Variants in SPESP1 observed in about 807,000 individuals in gnomAD.
The protein encoded by SPESP1 is sperm equatorial segment protein 1.
In SPESP1, 1 loss-of-function variant was observed where a neutral mutation model predicts 3.1. The ratio of observed to expected loss-of-function variants is 0.33; its 90% CI spans 0.12 to 1.54. The LOEUF is 1.54. SPESP1 is among the 40% of genes most tolerant of loss of function. The pLI, the probability that SPESP1 is intolerant of heterozygous loss-of-function variation, is 0.38. For missense variants in SPESP1, 398 were observed against 410.1 expected (o/e 0.97, Z 0.26); for synonymous variants, 138 against 150.7 (o/e 0.92, Z 0.62).
chr15:68,946,591 A>G lies in SPESP1; in HGVS notation c.*4A>G. On this transcript the variant is annotated 3_prime_UTR_variant, in exon 2 of 2. Coordinates refer to ENST00000310673, the MANE Select transcript of SPESP1 (RefSeq NM_145658.4). ...AGCCTTATTAAAAGTTTATTAAACA[A>G]TAATATAAAAATTTTAAACCTACTT... 7.0e-7 allele frequency: 1 copy of G among 1,436,176 alleles called. No homozygotes were observed. Among genetic ancestry groups the G allele is most frequent in the South Asian group, 1.8e-5 (1 of 55,072 alleles). 89.0% of individuals were successfully genotyped at this position (1,436,176 alleles called of 1,614,324 possible).
At chr15:68,934,114 G>T (rs1369573349) in intron 1 of SPESP1, among the ~76,000 whole-genome samples, 1 of 151,758 alleles carries the variant, frequency 6.6e-6, no homozygotes, top group Non-Finnish European at 1.5e-5. Context: ...TAATTTTGGG[G>T]TATCTCCCAA....
At chr15:68,932,394 C>CTT (rs545306317) in intron 1 of SPESP1, among the ~76,000 whole-genome samples, 2 of 147,078 alleles carry the variant, frequency 1.4e-5, no homozygotes, top group African/African-American at 2.5e-5. Flanking sequence ...TTTTCCCCCC[C>CTT]TTTTTTTTTT....
Position 68,943,413 on chromosome 15 carries a change from T to C in SPESP1, c.65-2186T>C, listed in dbSNP as rs141109670. ...TTACATAAAATGCAGAATTTACTTT[T>C]AGAATCAAGACCTCCAGACGTGTGG... is the stretch of plus-strand genomic sequence containing the variant. On this transcript the variant is annotated intron_variant, in intron 1 of 1. Transcript: ENST00000310673. 1.1e-3 allele frequency among the ~76,000 whole-genome samples: 168 copies of C among 152,290 alleles called. 1 individual carries two copies. Among genetic ancestry groups the C allele is most frequent in the African/African-American group, 3.9e-3 (161 of 41,562 alleles).
intron 1 of SPESP1, among the ~76,000 whole-genome samples, chr15:68,941,331 G>A (rs1229512521): frequency 6.6e-6 from 1 of 152,096 alleles, no homozygotes; most frequent in Non-Finnish European, 1.5e-5. Context: ...TTATATTCCT[G>A]TATTAGTTTA....
intron 1 of SPESP1, among the ~76,000 whole-genome samples, chr15:68,942,245 T>G (rs185857138): frequency 2.1e-3 from 319 of 152,234 alleles, no homozygotes; most frequent in African/African-American, 6.9e-3. Flanking sequence ...CTAAGCAGTT[T>G]ATATTTATAT....
At chr15:68,945,003 C>T (rs1895923501) in intron 1 of SPESP1, among the ~76,000 whole-genome samples, 1 of 152,222 alleles carries the variant, frequency 6.6e-6, no homozygotes, top group African/African-American at 2.4e-5. Context: ...TAGAGATGCA[C>T]AGTAGCACAC....
intron 1 of SPESP1, among the ~76,000 whole-genome samples, chr15:68,931,005 T>G (rs1483422272): frequency 1.3e-5 from 2 of 152,178 alleles, no homozygotes; most frequent in South Asian, 4.1e-4. Flanking sequence ...CACCCGATCC[T>G]TCCCCAGCCA....
At chr15:68,945,021 T>G (rs970954571) in intron 1 of SPESP1, among the ~76,000 whole-genome samples, 1 of 152,204 alleles carries the variant, frequency 6.6e-6, no homozygotes, top group Non-Finnish European at 1.5e-5. Flanking sequence ...CACCATTATA[T>G]GCATTTTCAT....
intron 1 of SPESP1, among the ~76,000 whole-genome samples, chr15:68,938,113 T>TG (rs1169483835): frequency 6.6e-6 from 1 of 152,166 alleles, no homozygotes; most frequent in Non-Finnish European, 1.5e-5. Context: ...CGAGAGTAGC[T>TG]GGGACTACAG....
intron 1 of SPESP1, among the ~76,000 whole-genome samples, chr15:68,932,371 C>A (rs1895566479): frequency 6.6e-6 from 1 of 150,802 alleles, no homozygotes; most frequent in African/African-American, 2.4e-5. Flanking sequence ...TTTCCCCTCC[C>A]CCTCCCCTTC....
intron 1 of SPESP1, among the ~76,000 whole-genome samples, chr15:68,931,283 C>T (rs1054387132): frequency 1.5e-4 from 21 of 143,696 alleles, no homozygotes; most frequent in African/African-American, 5.3e-4. Context: ...TCTATTTTTG[C>T]ATTTTCAAAG....
rs748683191 is a variant in SPESP1, at chr15:68,930,649, C to A, written c.-5C>A. ...TCGCATGGCAGAGTGCTACGGACGA[C>A]GCCTATGAAGCCCTTAGTCCTTCTA... On this transcript the variant is annotated 5_prime_UTR_variant, in exon 1 of 2. Transcript: ENST00000310673. 2 of 1,613,764 alleles carry A rather than the reference C, an allele frequency of 1.2e-6. No homozygotes were observed. The highest frequency in any genetic ancestry group is 2.2e-5 in the East Asian group (1 of 44,874).
intron 1 of SPESP1, among the ~76,000 whole-genome samples, chr15:68,940,153 G>T (rs766427800): frequency 6.6e-5 from 10 of 152,088 alleles, no homozygotes; most frequent in Admixed American, 2.0e-4. Context: ...TGGGGAACAG[G>T]TGGTTTTTGG....
rs138663657 is a variant in SPESP1, at chr15:68,937,105, A to T, written c.64+6388A>T. Among the ~76,000 whole-genome samples the T allele has an allele frequency of 3.5e-3, 535 of 152,268 alleles. 3 individuals carry two copies. Among genetic ancestry groups the T allele is most frequent in the African/African-American group, 0.012 (517 of 41,566 alleles). Reference sequence around the variant, plus strand: ...CAATAGTTTTTAGACTAACAGATTTATTTTTAAACATAACATGAAGTCTAG... The same window carrying T: ...CAATAGTTTTTAGACTAACAGATTTTTTTTTAAACATAACATGAAGTCTAG... On this transcript the variant is annotated intron_variant, in intron 1 of 1. Coordinates refer to ENST00000310673, the MANE Select transcript of SPESP1 (RefSeq NM_145658.4).
intron 1 of SPESP1, among the ~76,000 whole-genome samples, chr15:68,945,295 G>A (rs1315622557): frequency 6.6e-6 from 1 of 152,246 alleles, no homozygotes; most frequent in African/African-American, 2.4e-5. Flanking sequence ...AAGAATTTTC[G>A]TTTAATAAGT....
Position 68,945,755 on chromosome 15 carries a change from T to G in SPESP1, c.221T>G (p.Phe74Cys). 1.9e-6 allele frequency: 3 copies of G among 1,613,822 alleles called. No homozygotes were observed. Among genetic ancestry groups the G allele is most frequent in the Non-Finnish European group, 2.5e-6 (3 of 1,179,946 alleles). Residue 74 changes from phenylalanine (F) to cysteine (C), a missense_variant, in exon 2 of 2, where the codon TTT becomes TGT. Phe to Cys is a radical substitution (Grantham distance 205). Coordinates refer to ENST00000310673, the MANE Select transcript of SPESP1 (RefSeq NM_145658.4). Reference sequence around the variant, plus strand: ...TCTATAGCATCAAAGGGATCAAAATTTAAGGAGCTAGTTACACATGGAGAC... The same window carrying G: ...TCTATAGCATCAAAGGGATCAAAATGTAAGGAGCTAGTTACACATGGAGAC... ...VYSIASKGSK[F>C]KELVTHGDAS...
chr15:68,944,566 A>G (rs1895911191), intron 1 of SPESP1, among the ~76,000 whole-genome samples: 1 of 152,158 alleles, frequency 6.6e-6, no homozygotes, highest in Non-Finnish European at 1.5e-5. Context: ...AGGTGCTGCC[A>G]GCGGTTCATG....
rs1439107149 is a variant in SPESP1 at position 68,945,620 on chromosome 15, A to G, written c.86A>G (p.Glu29Gly). The G allele has an allele frequency of 6.3e-7, 1 of 1,578,506 alleles. No homozygotes were observed. Among genetic ancestry groups the G allele is most frequent in the East Asian group, 2.2e-5 (1 of 44,522 alleles). The change falls in exon 2 of 2, where the codon GAA becomes GGA. Residue 29 changes from glutamate to glycine, a missense_variant. Glu to Gly is a moderately conservative substitution (Grantham distance 98). Coordinates refer to ENST00000310673, the MANE Select transcript of SPESP1 (RefSeq NM_145658.4). ...GAAGGCATAACTGTGACACCTGATG[A>G]AGAGCAAAACTTGAATCATTATATA... ...AYPSITVTPD[E>G]EQNLNHYIQV... is the part of the protein sequence containing the mutation.
rs1234026105 is a variant in SPESP1, at chr15:68,945,800, T to A, written c.266T>A (p.Val89Asp). Reference protein sequence around the residue: ...THGDASTENDVLTNPISEETT... With the variant: ...THGDASTENDDLTNPISEETT... ...GGAGACGCTTCAACTGAGAATGATGTTTTAACCAATCCTATCAGTGAAGAA... is the reference window on the plus strand; with the variant it reads ...GGAGACGCTTCAACTGAGAATGATGATTTAACCAATCCTATCAGTGAAGAA... Residue 89 changes from valine to aspartate, a missense_variant, in exon 2 of 2, where the codon GTT (valine) becomes GAT (aspartate). Val to Asp is a radical substitution (Grantham distance 152). Transcript: ENST00000310673. The A allele has an allele frequency of 1.2e-5, 20 of 1,613,784 alleles. No homozygotes were observed. The highest frequency in any genetic ancestry group is 1.6e-5 in the Non-Finnish European group (19 of 1,179,978).
Sources: gnomAD v4.1 joint callset for allele counts (sites outside exome capture counted in the v4.1 genomes callset) on GRCh38, gnomAD v4.1.1 for gene constraint, MANE v1.5 for transcripts, NCBI Gene and HGNC (gene_info 2026-07-23, HGNC 2026-07-21) for gene names.